The following PTPRM variants were observed in gnomAD, a reference collection of about 807,000 sequenced individuals.
PTPRM encodes the protein protein tyrosine phosphatase receptor type M.
In PTPRM, 47 loss-of-function variants were observed where a neutral mutation model predicts 186.7. The observed-to-expected ratio is 0.25, with a 90% confidence interval of 0.20 to 0.32. The LOEUF is 0.32. PTPRM is among the 10% of genes least tolerant of loss of function. The pLI is 1.00. For synonymous variants in PTPRM, 668 were observed against 674.9 expected, an observed-to-expected ratio of 0.99 and a Z score of 0.16; for missense variants, 1,494 against 1,865.0, an observed-to-expected ratio of 0.80 and a Z score of 3.66.
chr18:8,223,307 TAA>T (rs907755746), intron 14 of PTPRM, among the ~76,000 whole-genome samples: 2 of 152,206 alleles, frequency 1.3e-5, no homozygotes, highest in African/African-American at 4.8e-5. Context: ...GTAGTAATTC[TAA>T]GAGTCAAGAG....
At chr18:8,404,528 A>T (rs184668799) in intron 32 of PTPRM, 1 of 152,264 alleles carries the variant, frequency 6.6e-6, no homozygotes, top group Non-Finnish European at 1.5e-5. Flanking sequence ...CTTGTCCTCA[A>T]ATAAATAGGT....
intron 2 of PTPRM, among the ~76,000 whole-genome samples, chr18:7,869,735 A>G (rs183785421): frequency 1.3e-5 from 2 of 152,338 alleles, no homozygotes; most frequent in African/African-American, 4.8e-5. Context: ...GTAAGTGGCC[A>G]TTATTTAACT....
At chr18:7,676,859 A>T (rs1432158437) in intron 1 of PTPRM, among the ~76,000 whole-genome samples, 2 of 152,228 alleles carry the variant, frequency 1.3e-5, no homozygotes, top group Admixed American at 6.5e-5. Context: ...AAAATATTTT[A>T]AAAAGGTGAG....
At chr18:7,682,624 C>G (rs1264355339) in intron 1 of PTPRM, among the ~76,000 whole-genome samples, 1 of 152,090 alleles carries the variant, frequency 6.6e-6, no homozygotes, top group African/African-American at 2.4e-5. Flanking sequence ...TAAAAAGACC[C>G]ATTGTGTTGT....
intron 7 of PTPRM, among the ~76,000 whole-genome samples, chr18:8,036,469 T>TCTA (rs986653791): frequency 2.6e-5 from 4 of 152,210 alleles, no homozygotes; most frequent in African/African-American, 9.6e-5. Context: ...CTACTCAGTT[T>TCTA]CTCTAGCTAT....
intron 2 of PTPRM, among the ~76,000 whole-genome samples, chr18:7,797,490 C>T (rs1008874388): frequency 6.6e-6 from 1 of 152,192 alleles, no homozygotes; most frequent in Non-Finnish European, 1.5e-5. Context: ...GTTTGTGTAA[C>T]GTTGCAGTGA....
chr18:7,931,576 C>T (rs1372093530), intron 5 of PTPRM, among the ~76,000 whole-genome samples: 3 of 152,164 alleles, frequency 2.0e-5, no homozygotes, highest in African/African-American at 7.2e-5. Flanking sequence ...TGGCACGTGC[C>T]TGTAGTTCCA....
chr18:8,244,109 G>A lies in PTPRM; in HGVS notation c.2352G>A (p.Met784Ile). The change falls in exon 15 of 33, where the codon ATG (methionine) becomes ATA (isoleucine). Residue 784 changes from methionine (M) to isoleucine (I), a missense_variant. Met to Ile is a conservative substitution (Grantham distance 10). Around this residue, in one of 3 missense-constraint regions of PTPRM, gnomAD observed 1,107 missense variants for 1,350.2 expected, o/e 0.82. Transcript: ENST00000580170. ...CCATGAGCAGCACCCGACAGGAGAT[G>A]ACTGTGATGGTGAACTCAATGGACA... ...KETMSSTRQE[M>I]TVMVNSMDKS... 1 of 1,609,520 alleles carries A rather than the reference G, an allele frequency of 6.2e-7. No individual in the cohort carries two copies. Among genetic ancestry groups the A allele is most frequent in the Non-Finnish European group, 8.5e-7 (1 of 1,178,646 alleles).
intron 2 of PTPRM, among the ~76,000 whole-genome samples, chr18:7,842,112 G>T (rs1365093220): frequency 6.6e-6 from 1 of 152,030 alleles, no homozygotes; most frequent in African/African-American, 2.4e-5. Context: ...AAGCATGTCT[G>T]CTTCCTTTTT....
chr18:7,965,705 T>C (rs1409842131), intron 7 of PTPRM, among the ~76,000 whole-genome samples: 2 of 152,252 alleles, frequency 1.3e-5, no homozygotes, highest in African/African-American at 2.4e-5. Flanking sequence ...TTATGTGTTA[T>C]GTCTGGAACC....
At position 7,750,066 on chromosome 18, in the gene PTPRM, G is replaced by T. The variant is rs1440284491; in HGVS notation, c.74-24083G>T. On this transcript the variant is annotated intron_variant, in intron 1 of 32. Coordinates refer to ENST00000580170, the MANE Select transcript of PTPRM (RefSeq NM_001105244.2). ...AAGATCTGGTATTCTACTTGATAAG[G>T]GTTTCCATAAAAATCCACAAATACA... 1.8e-4 allele frequency among the ~76,000 whole-genome samples: 28 copies of T among 152,066 alleles called. 1 individual carries two copies. Among genetic ancestry groups the T allele is most frequent in the Admixed American group, 1.8e-3 (28 of 15,264 alleles).
At chr18:8,296,282 C>G (rs1474649976) in intron 19 of PTPRM, 86 bp from the exon 20 acceptor site, 2 of 817,834 alleles carry the variant, frequency 2.4e-6, no homozygotes, top group Middle Eastern at 2.2e-4. Flanking sequence ...GACCCTTGTT[C>G]TACGTTTTTT....
chr18:7,850,566 A>T (rs975553393), intron 2 of PTPRM, among the ~76,000 whole-genome samples: 8 of 152,174 alleles, frequency 5.3e-5, no homozygotes, highest in African/African-American at 1.7e-4. Flanking sequence ...ATATTTTGCT[A>T]AGGAGGAGGA....
chr18:8,034,734 A>G (rs1300408498), intron 7 of PTPRM, among the ~76,000 whole-genome samples: 1 of 152,146 alleles, frequency 6.6e-6, no homozygotes, highest in Non-Finnish European at 1.5e-5. Context: ...CTTGAACAAT[A>G]GTATATATTT....
chr18:7,876,187 T>C (rs921069054), intron 2 of PTPRM, among the ~76,000 whole-genome samples: 3 of 151,984 alleles, frequency 2.0e-5, no homozygotes, highest in Non-Finnish European at 4.4e-5. Flanking sequence ...TATAAACTCA[T>C]TAGGTGATTT....
At chr18:7,940,619 A>G (rs2052108320) in intron 5 of PTPRM, among the ~76,000 whole-genome samples, 1 of 151,778 alleles carries the variant, frequency 6.6e-6, no homozygotes, top group African/African-American at 2.4e-5. Flanking sequence ...CAGCCGGCAC[A>G]GTGGTGCGGC....
At chr18:7,869,938 A>G (rs1490434519) in intron 2 of PTPRM, among the ~76,000 whole-genome samples, 1 of 152,188 alleles carries the variant, frequency 6.6e-6, no homozygotes, top group East Asian at 1.9e-4. Flanking sequence ...CCCTTAGGCT[A>G]GAGATTGGGC....
At chr18:7,827,101 AAC>A (rs2045525393) in intron 2 of PTPRM, among the ~76,000 whole-genome samples, 1 of 152,140 alleles carries the variant, frequency 6.6e-6, no homozygotes, top group Non-Finnish European at 1.5e-5. Context: ...CCCTGTCAAA[AAC>A]AAAAACAAAA....
intron 23 of PTPRM, among the ~76,000 whole-genome samples, chr18:8,353,961 C>A (rs1419673635): frequency 6.6e-6 from 1 of 152,178 alleles, no homozygotes; most frequent in Non-Finnish European, 1.5e-5. Context: ...CCTGTAATCC[C>A]AGCACTTTGG....
Sources: allele counts gnomAD v4.1 joint callset (sites outside exome capture counted in the v4.1 genomes callset), GRCh38; gene constraint gnomAD v4.1.1; regional missense constraint gnomAD v4.1.1; transcripts MANE v1.5; gene names NCBI Gene and HGNC (gene_info 2026-07-23, HGNC 2026-07-21).